THBS2: variants seen among roughly 807,000 people sequenced by gnomAD.
THBS2 encodes thrombospondin-2.
In THBS2, 47 loss-of-function variants were observed where a neutral mutation model predicts 135.2. The ratio of observed to expected loss-of-function variants is 0.35; its 90% CI spans 0.28 to 0.44. THBS2 has a LOEUF of 0.44. Ranked by LOEUF, THBS2 falls within the 20% of genes least tolerant of loss-of-function variation. THBS2 has a pLI of 1.00. For synonymous variants in THBS2, 639 were observed against 633.8 expected (o/e 1.01, Z -0.12); for missense variants, 1,288 against 1,603.1 (o/e 0.80, Z 3.36).
At chr6:169,237,145 A>G in intron 9 of THBS2, 25 bp downstream of exon 9, 1 of 1,584,396 alleles carries the variant, frequency 6.3e-7, no homozygotes, top group Middle Eastern at 2.1e-4. Context: ...CCGCCCACCC[A>G]GGGCCCCGCC....
intron 2 of THBS2, among the ~76,000 whole-genome samples, chr6:169,249,477 T>C (rs1183335292): frequency 6.6e-6 from 1 of 152,212 alleles, no homozygotes; most frequent in East Asian, 1.9e-4. Context: ...GGGAAAGACA[T>C]GGATCTTTAG....
chr6:169,232,310 C>G (rs898411979), intron 12 of THBS2, 112 bp from the exon 13 acceptor site: 1 of 1,234,658 alleles, frequency 8.1e-7, no homozygotes, highest in Non-Finnish European at 1.2e-6. Flanking sequence ...CAAGCGGACC[C>G]AAGTCCTGAA....
Position 169,217,159 on chromosome 6 carries a change from C to T in THBS2, c.*663G>A, listed in dbSNP as rs1260595783. On this transcript the variant is annotated 3_prime_UTR_variant, in exon 22 of 22. Coordinates refer to ENST00000617924, the MANE Select transcript of THBS2 (RefSeq NM_003247.5). ...TTGATGAAACTGCATCTCTACTGCA[C>T]ATGAGGGCTTTCATTGTAGGACAAG... 6.6e-6 allele frequency: 1 copy of T among 152,284 alleles called. No homozygotes were observed. Among genetic ancestry groups the T allele is most frequent in the East Asian group, 1.9e-4 (1 of 5,210 alleles). 9.4% of individuals were successfully genotyped at this position (152,284 alleles called of 1,614,324 possible). A position where few individuals can be genotyped will look rare whatever the true frequency, so the allele number is the denominator to read the frequency against.
rs1247966475 is a variant in THBS2, at chr6:169,222,481, C to T, written c.3002-13G>A. The T allele has an allele frequency of 2.5e-6, 4 of 1,607,504 alleles. No homozygotes were observed. The Admixed American group carries it at 5.0e-5, about 20-fold the overall frequency. On this transcript the variant is annotated splice_polypyrimidine_tract_variant and intron_variant, in intron 18 of 21. Transcript: ENST00000617924. ...AACTCGTCAAAACCTGGATGCAACG[C>T]CATAAGGTTTCGTTAGAAACACCTT...
At chr6:169,239,512 C>T (rs1434691130) in intron 7 of THBS2, 87 bp downstream of exon 7, 16 of 1,326,418 alleles carry the variant, frequency 1.2e-5, no homozygotes, top group Non-Finnish European at 1.6e-5. Context: ...TCACTCTTCT[C>T]TGCCAAAACC....
At chr6:169,247,701 A>C (rs780970516) in intron 3 of THBS2, among the ~76,000 whole-genome samples, 14 of 150,346 alleles carry the variant, frequency 9.3e-5, no homozygotes, top group Non-Finnish European at 2.1e-4. Flanking sequence ...CACATGTATA[A>C]GTGCTTACAT....
chr6:169,234,133 C>T (rs563693992), intron 10 of THBS2, among the ~76,000 whole-genome samples: 3 of 151,146 alleles, frequency 2.0e-5, no homozygotes, highest in Admixed American at 1.3e-4. Flanking sequence ...TCACATGCCA[C>T]GTTTCACACT....
chr6:169,240,428 A>G, intron 6 of THBS2, 24 bp downstream of exon 6: 1 of 1,610,348 alleles, frequency 6.2e-7, no homozygotes, highest in African/African-American at 1.3e-5. Context: ...CTCTTCCCCC[A>G]AGAGCCGTGT....
rs1780832507 is a variant in THBS2 at position 169,253,846 on chromosome 6, C to G, written c.-145G>C. The G allele has an allele frequency of 6.6e-6, 1 of 152,248 alleles. No individual in the cohort carries two copies. Among genetic ancestry groups the G allele is most frequent in the Non-Finnish European group, 1.5e-5 (1 of 68,058 alleles). 9.4% of individuals were successfully genotyped at this position (152,248 alleles called of 1,614,324 possible). On this transcript the variant is annotated 5_prime_UTR_variant, in exon 1 of 22. Transcript: ENST00000617924. ...TGCAGGATGCTCCGGTGGACGTGGC[C>G]GAGCGGCTCCCGGGCAGCGCGGCTT...
In THBS2 at chr6:169,220,255, G is replaced by C; in HGVS notation, c.3454C>G (p.Leu1152Val). ...DQTYAGGRLG[L>V]FVFSQEMVYF... Reference sequence around the variant, plus strand: ...ACCATTTCTTGAGAGAAGACAAATAGACCCAGCCGCCCGCCAGCGTAGGTT... The same window carrying C: ...ACCATTTCTTGAGAGAAGACAAATACACCCAGCCGCCCGCCAGCGTAGGTT... The change falls in exon 21 of 22, where the codon CTA becomes GTA. Residue 1152 changes from leucine to valine, a missense_variant. By Grantham distance (32) the Leu-to-Val change is conservative (BLOSUM62 1). Transcript: ENST00000617924. The C allele has an allele frequency of 6.2e-7, 1 of 1,613,908 alleles. No individual in the cohort carries two copies. The highest frequency in any genetic ancestry group is 8.5e-7 in the Non-Finnish European group (1 of 1,179,938).
Position 169,225,247 on chromosome 6 carries a change from C to A in THBS2, c.2671G>T (p.Gly891Cys), listed in dbSNP as rs747986144. Reference sequence around the variant, plus strand: ...TCAGGGTCACAGGCGTCGCCCTGGCCGTCTCTGTCATGGTCAGCCTGGTTG... The same window carrying A: ...TCAGGGTCACAGGCGTCGCCCTGGCAGTCTCTGTCATGGTCAGCCTGGTTG... ...NANQADHDRD[G>C]QGDACDPDDD... Residue 891 changes from glycine to cysteine, a missense_variant, in exon 17 of 22, where the codon GGC becomes TGC. Physicochemically the swap from Gly to Cys is radical, Grantham distance 159. Around this residue, in one of 2 missense-constraint regions of THBS2, gnomAD observed 874 missense variants for 1,156.1 expected, o/e 0.76. Transcript: ENST00000617924. 6.2e-7 allele frequency: 1 copy of A among 1,613,516 alleles called. No individual in the cohort carries two copies. Among genetic ancestry groups the A allele is most frequent in the Non-Finnish European group, 8.5e-7 (1 of 1,179,720 alleles).
At chr6:169,243,064 C>CCTTCCCACAT (rs1562363464) in intron 4 of THBS2, among the ~76,000 whole-genome samples, 3 of 52,758 alleles carry the variant, frequency 5.7e-5, no homozygotes, top group African/African-American at 2.6e-4. Context: ...CTTCCCACCA[C>CCTTCCCACAT]TCCCACCTTC....
At position 169,233,024 on chromosome 6, in the gene THBS2, G is replaced by C. The variant is rs781689540; in HGVS notation, c.1652-7C>G. On this transcript the variant is annotated splice_region_variant and splice_polypyrimidine_tract_variant and intron_variant, in intron 10 of 21. Transcript: ENST00000617924. Reference sequence around the variant, plus strand: ...GGGTTGGATAAACAGCCATCTGGGTGGGAGAAGGCGGAGCAGAGTTCACCA... The same window carrying C: ...GGGTTGGATAAACAGCCATCTGGGTCGGAGAAGGCGGAGCAGAGTTCACCA... The C allele has an allele frequency of 6.5e-7, 1 of 1,532,892 alleles. No homozygotes were observed. The highest frequency in any genetic ancestry group is 8.7e-7 in the Non-Finnish European group (1 of 1,143,966). 95.0% of individuals were successfully genotyped at this position (1,532,892 alleles called of 1,614,324 possible). A position where few individuals can be genotyped will look rare whatever the true frequency, so the allele number is the denominator to read the frequency against.
rs146253479 is a variant in THBS2 at position 169,220,407 on chromosome 6, G to A, written c.3372-70C>T. The A allele has an allele frequency of 1.1e-4, 164 of 1,544,590 alleles. 1 individual carries two copies. The African/African-American group carries it at 2.0e-3, about 19-fold the overall frequency. ...TGAACTCTGTGAAGCATTCACCAGTGATGGAAGGTTGGCTCCGGACACAAG... is the reference window on the plus strand; with the variant it reads ...TGAACTCTGTGAAGCATTCACCAGTAATGGAAGGTTGGCTCCGGACACAAG... On this transcript the variant is annotated intron_variant, in intron 20 of 21. Coordinates refer to ENST00000617924, the MANE Select transcript of THBS2 (RefSeq NM_003247.5).
intron 10 of THBS2, among the ~76,000 whole-genome samples, chr6:169,233,928 GACCAT>G (rs1359160604): frequency 6.7e-6 from 1 of 148,510 alleles, no homozygotes; most frequent in Admixed American, 6.7e-5. Flanking sequence ...CCATGTTCCA[GACCAT>G]ACAACTGCCC....
chr6:169,249,504 G>A (rs1780684260), intron 2 of THBS2, among the ~76,000 whole-genome samples: 2 of 152,238 alleles, frequency 1.3e-5, no homozygotes, highest in Admixed American at 1.3e-4. Flanking sequence ...TATTGATAGA[G>A]TGTCAGAAAG....
At position 169,246,529 on chromosome 6, in the gene THBS2, T is replaced by C. The variant is rs560493911; in HGVS notation, c.610-248A>G. Among the ~76,000 whole-genome samples the C allele has an allele frequency of 6.9e-4, 105 of 152,314 alleles. 1 individual carries two copies. Among genetic ancestry groups the C allele is most frequent in the Non-Finnish European group, 8.2e-4 (56 of 68,034 alleles). On this transcript the variant is annotated intron_variant, in intron 3 of 21. Coordinates refer to ENST00000617924, the MANE Select transcript of THBS2 (RefSeq NM_003247.5). ...GAAATCTACCTAGAAGAAGGAAATG[T>C]TTCATAAATAAGAGTGAGATGGCCC...
intron 18 of THBS2, 46 bp from the exon 19 acceptor site, chr6:169,222,514 G>A (rs1372880919): frequency 6.3e-7 from 1 of 1,581,250 alleles, no homozygotes; most frequent in South Asian, 1.2e-5. Context: ...CTTTCAGGTG[G>A]CCGGGAGTAG....
chr6:169,218,237 TG>T (rs1468291743), intron 21 of THBS2, among the ~76,000 whole-genome samples: 1 of 136,242 alleles, frequency 7.3e-6, no homozygotes, highest in Admixed American at 7.4e-5. Context: ...GTTGGGTGGC[TG>T]GATGAGATGG....
Sources: allele counts gnomAD v4.1 joint callset (sites outside exome capture counted in the v4.1 genomes callset), GRCh38; gene constraint gnomAD v4.1.1; regional missense constraint gnomAD v4.1.1; transcripts MANE v1.5; gene names NCBI Gene and HGNC (gene_info 2026-07-23, HGNC 2026-07-21).